Variants in KIAA1217 observed in about 807,000 individuals in gnomAD.
KIAA1217 encodes the protein sickle tail protein homolog.
KIAA1217 carries 88 observed loss-of-function variants against 163.9 expected under a neutral mutation model. The ratio of observed to expected loss-of-function variants is 0.54; its 90% CI spans 0.45 to 0.64. The LOEUF is 0.64. Among genes scored for constraint, KIAA1217 ranks in the 30% least tolerant of loss-of-function variants. The pLI, the probability that KIAA1217 is intolerant of heterozygous loss-of-function variation, is 0.00. For missense variants in KIAA1217, 2,372 were observed against 2,475.0 expected (o/e 0.96, Z 0.88); for synonymous variants, 903 against 923.1 (o/e 0.98, Z 0.39).
chr10:23,816,678 A>T (rs1249406264), intron 1 of KIAA1217, among the ~76,000 whole-genome samples: 1 of 152,212 alleles, frequency 6.6e-6, no homozygotes, highest in Non-Finnish European at 1.5e-5. Context: ...GTGAAGAGTG[A>T]TGGTGTGAGA....
chr10:24,042,773 GGTC>G (rs1848706189), intron 2 of KIAA1217, among the ~76,000 whole-genome samples: 1 of 152,072 alleles, frequency 6.6e-6, no homozygotes, highest in Non-Finnish European at 1.5e-5. Flanking sequence ...TTTTATTCTT[GGTC>G]GTGTTTTGTA....
chr10:24,304,608 A>G (rs943179219), intron 2 of KIAA1217, among the ~76,000 whole-genome samples: 1 of 152,092 alleles, frequency 6.6e-6, no homozygotes, highest in Non-Finnish European at 1.5e-5. Flanking sequence ...TGCTGAGATT[A>G]CAGGCATGAG....
chr10:24,518,338 G>A (rs1043919477), intron 10 of KIAA1217, among the ~76,000 whole-genome samples: 1 of 107,988 alleles, frequency 9.3e-6, no homozygotes, highest in African/African-American at 3.8e-5. Flanking sequence ...TATCATAAAC[G>A]TTTGCATAGA....
intron 1 of KIAA1217, among the ~76,000 whole-genome samples, chr10:23,966,277 C>T (rs939472936): frequency 1.3e-5 from 2 of 152,174 alleles, no homozygotes; most frequent in Admixed American, 1.3e-4. Flanking sequence ...TGCCAAGAGA[C>T]TGAGCAAAGG....
At chr10:24,358,241 T>C (rs2049383928) in intron 2 of KIAA1217, among the ~76,000 whole-genome samples, 1 of 152,054 alleles carries the variant, frequency 6.6e-6, no homozygotes, top group African/African-American at 2.4e-5. Flanking sequence ...GGGTTTTAAA[T>C]GTTATGGAGG....
chr10:24,092,203 C>A (rs2061962117), intron 2 of KIAA1217, among the ~76,000 whole-genome samples: 2 of 151,712 alleles, frequency 1.3e-5, no homozygotes, highest in Non-Finnish European at 2.9e-5. Context: ...CACATCCCTG[C>A]TTCCCTGTGT....
intron 2 of KIAA1217, among the ~76,000 whole-genome samples, chr10:24,134,290 G>T (rs559670201): frequency 1.3e-5 from 2 of 152,278 alleles, no homozygotes; most frequent in South Asian, 4.1e-4. Flanking sequence ...AAGGTAAGGA[G>T]ACAGAAAAAC....
chr10:24,415,108 CTCTT>C (rs1422365374), intron 3 of KIAA1217, among the ~76,000 whole-genome samples: 5 of 134,132 alleles, frequency 3.7e-5, no homozygotes, highest in African/African-American at 1.6e-4. Flanking sequence ...CCTGATCTCT[CTCTT>C]TTTTTTTTTT....
intron 2 of KIAA1217, among the ~76,000 whole-genome samples, chr10:24,063,342 T>G (rs2131606992): frequency 6.6e-6 from 1 of 152,360 alleles, no homozygotes; most frequent in Admixed American, 6.5e-5. Context: ...GGATCCAGTT[T>G]CAGTTTTCTG....
intron 6 of KIAA1217, among the ~76,000 whole-genome samples, chr10:24,483,992 A>G (rs974530344): frequency 6.6e-6 from 1 of 152,080 alleles, no homozygotes; most frequent in South Asian, 2.1e-4. Context: ...CCTGGATCCG[A>G]GAAAGCCTGC....
chr10:23,796,544 G>A (rs918951702), intron 1 of KIAA1217, among the ~76,000 whole-genome samples: 1 of 151,866 alleles, frequency 6.6e-6, no homozygotes, highest in African/African-American at 2.4e-5. Context: ...TGTATTTTTA[G>A]TAGAGTTGGG....
rs1256018351 is a variant in KIAA1217, at chr10:23,897,855, A to G, written c.-320-109370A>G. ...AAAAAAGGATTTAAATGTCTATAGT[A>G]TGTTACAAAAAATAATTTCTTAAAA... On this transcript the variant is annotated intron_variant, in intron 1 of 18. Transcript: ENST00000376462. 3.3e-5 allele frequency among the ~76,000 whole-genome samples: 5 copies of G among 152,018 alleles called. No individual in the cohort carries two copies. In the East Asian group the frequency reaches 9.7e-4, roughly 29 times the overall value.
Position 23,932,221 on chromosome 10 carries a change from A to G in KIAA1217, c.-320-75004A>G, listed in dbSNP as rs147122973. ...GAAGGGCAAAGAAGGCATTTGGTGGAGAAAGGGGTTGATATTCATCACAGC... is the reference window on the plus strand; with the variant it reads ...GAAGGGCAAAGAAGGCATTTGGTGGGGAAAGGGGTTGATATTCATCACAGC... On this transcript the variant is annotated intron_variant, in intron 1 of 18. Transcript: ENST00000376462. Among the ~76,000 whole-genome samples, 848 of 152,296 alleles carry G rather than the reference A, an allele frequency of 5.6e-3. 10 individuals are homozygous for G. The highest frequency in any genetic ancestry group is 7.5e-3 in the Admixed American group (114 of 15,302).
At chr10:23,985,965 A>G (rs1008934245) in intron 1 of KIAA1217, among the ~76,000 whole-genome samples, 1 of 152,224 alleles carries the variant, frequency 6.6e-6, no homozygotes, top group Non-Finnish European at 1.5e-5. Context: ...TGTGCGTCCC[A>G]TGGCAGAAAG....
intron 1 of KIAA1217, among the ~76,000 whole-genome samples, chr10:23,739,612 C>CT (rs1298740440): frequency 6.6e-6 from 1 of 152,120 alleles, no homozygotes; most frequent in East Asian, 1.9e-4. Context: ...CTGGCTTTTG[C>CT]TTTTTTGTAC....
chr10:23,860,803 A>G lies in KIAA1217; in HGVS notation c.-320-146422A>G, dbSNP rs370438755. On this transcript the variant is annotated intron_variant, in intron 1 of 18. Coordinates refer to the KIAA1217 transcript ENST00000376462. Reference sequence around the variant, plus strand: ...TTTTTTTTCTGGGAAAGTGCTCTCCATTCCTGTGTTATACAGAGATCCTGA... The same window carrying G: ...TTTTTTTTCTGGGAAAGTGCTCTCCGTTCCTGTGTTATACAGAGATCCTGA... Among the ~76,000 whole-genome samples the G allele has an allele frequency of 3.9e-5, 6 of 151,922 alleles. No individual in the cohort carries two copies. In the East Asian group the frequency reaches 9.7e-4, roughly 25 times the overall value.
chr10:24,373,754 A>G (rs1318685198), intron 2 of KIAA1217, among the ~76,000 whole-genome samples: 2 of 152,180 alleles, frequency 1.3e-5, no homozygotes, highest in Non-Finnish European at 2.9e-5. Flanking sequence ...GGGGCTTTGC[A>G]TGGTGACAAT....
chr10:24,356,186 C>T (rs2049078771), intron 2 of KIAA1217, among the ~76,000 whole-genome samples: 2 of 152,112 alleles, frequency 1.3e-5, no homozygotes, highest in South Asian at 4.2e-4. Flanking sequence ...TGCTTTCAAC[C>T]AGTTTGCTTC....
chr10:24,383,387 G>T (rs1311529373), intron 3 of KIAA1217, among the ~76,000 whole-genome samples: 2 of 151,958 alleles, frequency 1.3e-5, no homozygotes, highest in South Asian at 2.1e-4. Flanking sequence ...GCCAAGAACG[G>T]TTGGCAGTGC....
Sources: gnomAD v4.1 joint callset for allele counts (sites outside exome capture counted in the v4.1 genomes callset) on GRCh38, gnomAD v4.1.1 for gene constraint, MANE v1.5 for transcripts, NCBI Gene and HGNC (gene_info 2026-07-23, HGNC 2026-07-21) for gene names.